Variants in GMCL1 observed in about 807,000 individuals in gnomAD.
GMCL1 encodes germ cell-less 1, spermatogenesis associated.
GMCL1 carries 54 observed loss-of-function variants against 75.5 expected under a neutral mutation model. That is an observed-to-expected ratio of 0.71 (90% CI 0.57 to 0.90). The LOEUF (loss-of-function observed/expected upper bound fraction) is 0.90, where lower values mean the gene tolerates loss of function less well. Among genes scored for constraint, GMCL1 ranks in the 40% least tolerant of loss-of-function variants. The probability of loss-of-function intolerance (pLI) is 0.00; values close to 1 mark genes in which losing one functional copy is unlikely to be tolerated. For synonymous variants in GMCL1, 210 were observed against 209.6 expected (o/e 1.00, Z -0.02); for missense variants, 537 against 622.7 (o/e 0.86, Z 1.47).
At position 69,847,636 on chromosome 2, in the gene GMCL1, G is replaced by T; in HGVS notation, c.843+9G>T. 6.6e-7 allele frequency: 1 copy of T among 1,512,364 alleles called. No homozygotes were observed. Among genetic ancestry groups the T allele is most frequent in the Non-Finnish European group, 9.2e-7 (1 of 1,089,002 alleles). The allele number at this position is 1,512,364 out of a possible 1,614,324, so 93.7% of individuals were successfully genotyped here. On this transcript the variant is annotated intron_variant, in intron 7 of 13. Coordinates refer to ENST00000282570, the MANE Select transcript of GMCL1 (RefSeq NM_178439.5). ...ACACTGCTCTAAAAAAGGTACTGAC[G>T]TAATATGATGTCATATTATACAAGG...
intron 13 of GMCL1, among the ~76,000 whole-genome samples, chr2:69,877,129 C>G (rs1037337047): frequency 6.6e-6 from 1 of 152,160 alleles, no homozygotes; most frequent in African/African-American, 2.4e-5. Context: ...CAGATTCCAT[C>G]CACAATGGAA....
rs781222465 is a variant in GMCL1 at position 69,844,168 on chromosome 2, CAG to C, written c.732_733del (p.Asn245CysfsTer2). On this transcript the variant is annotated frameshift_variant, in exon 6 of 14. Coordinates refer to ENST00000282570, the MANE Select transcript of GMCL1 (RefSeq NM_178439.5). LOFTEE classifies it high-confidence loss of function. The part of the protein sequence containing the change: ...EWLLNNLMTH[Q>X]NVELFKELSI... ...GCTTCTAAACAATTTGATGACTCAC[CAG>C]AATGTTGAACTTTTTAAAGAACTCA... 8.9e-6 allele frequency: 14 copies of C among 1,573,518 alleles called. No individual in the cohort carries two copies. In the East Asian group the frequency reaches 3.2e-4, roughly 36 times the overall value.
At chr2:69,862,990 C>T (rs998903729) in intron 10 of GMCL1, among the ~76,000 whole-genome samples, 1 of 151,912 alleles carries the variant, frequency 6.6e-6, no homozygotes, top group Non-Finnish European at 1.5e-5. Flanking sequence ...CATGATTTTC[C>T]TCACCCATGT....
At chr2:69,846,158 G>T (rs1303421833) in intron 6 of GMCL1, among the ~76,000 whole-genome samples, 1 of 151,708 alleles carries the variant, frequency 6.6e-6, no homozygotes, top group Non-Finnish European at 1.5e-5. Flanking sequence ...ATTTGGTAGA[G>T]AAGTGTGAGA....
chr2:69,861,963 C>T (rs1206378333), intron 10 of GMCL1, among the ~76,000 whole-genome samples: 1 of 152,066 alleles, frequency 6.6e-6, no homozygotes, highest in African/African-American at 2.4e-5. Context: ...AATTGCTCCA[C>T]TGCACTTCCA....
chr2:69,857,540 G>A (rs969538501), intron 9 of GMCL1, among the ~76,000 whole-genome samples: 4 of 152,090 alleles, frequency 2.6e-5, no homozygotes, highest in African/African-American at 9.7e-5. Flanking sequence ...GTGAAAATAA[G>A]TTACTGAAAA....
Position 69,869,845 on chromosome 2 carries a change from C to G in GMCL1, c.1345C>G (p.Arg449Gly). ...PCSGSVSLQP[R>G]RSIAFRLRLA... ...TAGCGGATCTGTCAGTTTACAGCCT[C>G]GAAGGAGCATAGCATTTAGGTAGGA... Residue 449 changes from arginine (R) to glycine (G), a missense_variant, in exon 12 of 14, where the codon CGA becomes GGA. Physicochemically the swap from Arg to Gly is moderately radical, Grantham distance 125 (BLOSUM62 -2). Coordinates refer to ENST00000282570, the MANE Select transcript of GMCL1 (RefSeq NM_178439.5). 1.9e-6 allele frequency: 3 copies of G among 1,613,752 alleles called. No individual in the cohort carries two copies. Among genetic ancestry groups the G allele is most frequent in the Non-Finnish European group, 2.5e-6 (3 of 1,179,882 alleles).
intron 11 of GMCL1, among the ~76,000 whole-genome samples, chr2:69,866,962 T>G (rs979177231): frequency 2.0e-5 from 3 of 151,194 alleles, no homozygotes; most frequent in Non-Finnish European, 4.4e-5. Flanking sequence ...CTTTTTTTTT[T>G]GAGACAGAGT....
intron 1 of GMCL1, among the ~76,000 whole-genome samples, chr2:69,835,583 A>G (rs978915005): frequency 2.0e-5 from 3 of 152,122 alleles, no homozygotes; most frequent in Admixed American, 6.5e-5. Flanking sequence ...TAAGAAGACT[A>G]CGAAGTTGGT....
At chr2:69,870,376 A>T (rs1312901075) in intron 12 of GMCL1, among the ~76,000 whole-genome samples, 1 of 152,160 alleles carries the variant, frequency 6.6e-6, no homozygotes, top group Non-Finnish European at 1.5e-5. Flanking sequence ...TGGATCAAAG[A>T]TCTAAGCATA....
At chr2:69,854,754 G>C in intron 8 of GMCL1, 69 bp from the exon 9 acceptor site, 1 of 1,325,460 alleles carries the variant, frequency 7.5e-7, no homozygotes, top group Non-Finnish European at 1.1e-6. Context: ...CGTATCCCCC[G>C]TCCACAAAAA....
intron 10 of GMCL1, among the ~76,000 whole-genome samples, 193 bp downstream of exon 10, chr2:69,861,540 A>G (rs1174757499): frequency 3.9e-5 from 6 of 152,216 alleles, no homozygotes; most frequent in Admixed American, 2.0e-4. Context: ...ATTAGATAGT[A>G]TAATGCAATT....
chr2:69,830,059 G>T lies in GMCL1; in HGVS notation c.167G>T (p.Ser56Ile). 1 of 1,569,516 alleles carries T rather than the reference G, an allele frequency of 6.4e-7. No individual in the cohort carries two copies. Among genetic ancestry groups the T allele is most frequent in the Non-Finnish European group, 8.6e-7 (1 of 1,156,678 alleles). The change falls in exon 1 of 14, where the codon AGC becomes ATC. Residue 56 changes from serine to isoleucine, a missense_variant. Ser to Ile is a moderately radical substitution (Grantham distance 142). Coordinates refer to ENST00000282570, the MANE Select transcript of GMCL1 (RefSeq NM_178439.5). ...GGCAGCCACAAGCGCAAGCGGAGCA[G>T]CGGGTCCTTCTGCTACTGTCACCCT... ...CAGSHKRKRS[S>I]GSFCYCHPDS...
chr2:69,857,558 G>T (rs981317975), intron 9 of GMCL1, among the ~76,000 whole-genome samples: 8 of 152,112 alleles, frequency 5.3e-5, no homozygotes, highest in Non-Finnish European at 1.0e-4. Flanking sequence ...AAATGAAAAG[G>T]TATGTAAATC....
rs376019470 is a variant in GMCL1, at chr2:69,829,676, G to A, written c.-217G>A. 1.3e-5 allele frequency: 7 copies of A among 531,318 alleles called. No individual in the cohort carries two copies. Among genetic ancestry groups the A allele is most frequent in the South Asian group, 2.7e-5 (1 of 36,878 alleles). The allele number at this position is 531,318 out of a possible 1,614,324, so 32.9% of individuals were successfully genotyped here. A position where few individuals can be genotyped will look rare whatever the true frequency, so the allele number is the denominator to read the frequency against. ...CCGTCCCGCGCTTTGTTGCGAAAGC[G>A]AGGGGGCGAGGTGCTGCGGTGCTAG... On this transcript the variant is annotated 5_prime_UTR_variant, in exon 1 of 14. Transcript: ENST00000282570.
At chr2:69,856,541 C>T (rs1675471452) in intron 9 of GMCL1, among the ~76,000 whole-genome samples, 1 of 151,954 alleles carries the variant, frequency 6.6e-6, no homozygotes, top group Non-Finnish European at 1.5e-5. Context: ...TGCTTTCCTC[C>T]ACTTGGATAC....
rs1442019279 is a variant in GMCL1 at position 69,880,938 on chromosome 2, C to T, written c.*1934C>T. 6.6e-6 allele frequency: 1 copy of T among 151,114 alleles called. No homozygotes were observed. The highest frequency in any genetic ancestry group is 2.4e-5 in the African/African-American group (1 of 41,104). The allele number at this position is 151,114 out of a possible 1,614,324, so 9.4% of individuals were successfully genotyped here. ...TTCACGGGAAGCTGTTGTTTTCTTT[C>T]CGTCTCATTACTGTATAAGAGTTTC... On this transcript the variant is annotated 3_prime_UTR_variant, in exon 14 of 14. Transcript: ENST00000282570.
chr2:69,841,837 G>C (rs1674996035), intron 4 of GMCL1, among the ~76,000 whole-genome samples: 2 of 152,010 alleles, frequency 1.3e-5, no homozygotes, highest in South Asian at 4.1e-4. Context: ...TTCAGACAGA[G>C]AGAACAGAGT....
chr2:69,854,896 A>T lies in GMCL1; in HGVS notation c.1008A>T (p.Leu336Phe), dbSNP rs761740077. The T allele has an allele frequency of 6.2e-7, 1 of 1,611,122 alleles. No individual in the cohort carries two copies. Among genetic ancestry groups the T allele is most frequent in the East Asian group, 2.2e-5 (1 of 44,700 alleles). ...TGTCAGTATTCAGACATTTAAGGTT[A>T]CAATATATTATCAGTGATCTGGCTT... ...PFVSVFRHLR[L>F]QYIISDLASA... Residue 336 changes from leucine (L) to phenylalanine (F), a missense_variant, in exon 9 of 14, where the codon TTA becomes TTT. Leu to Phe is a conservative substitution (Grantham distance 22, BLOSUM62 0). Transcript: ENST00000282570.
Sources: allele counts gnomAD v4.1 joint callset (sites outside exome capture counted in the v4.1 genomes callset), GRCh38; gene constraint gnomAD v4.1.1; transcripts MANE v1.5; gene names NCBI Gene and HGNC (gene_info 2026-07-23, HGNC 2026-07-21).